The following HSF5 variants were observed in gnomAD, a reference collection of about 807,000 sequenced individuals.
HSF5 encodes heat shock transcription factor 5, also known as heat shock factor protein 5.
Under a neutral mutation model 50.8 loss-of-function variants are expected in HSF5, and 5 were observed. That is an observed-to-expected ratio of 0.10 (90% confidence interval 0.05 to 0.21). The LOEUF (loss-of-function observed/expected upper bound fraction) is 0.21, where lower values mean the gene tolerates loss of function less well. Among genes scored for constraint, HSF5 ranks in the 10% least tolerant of loss-of-function variants. HSF5 has a pLI of 1.00. For synonymous variants in HSF5, 307 were observed against 307.4 expected (o/e 1.00, Z 0.02); for missense variants, 564 against 762.6 (o/e 0.74, Z 3.07).
In HSF5 at chr17:58,429,492, C is replaced by G. The variant is rs201775739; in HGVS notation, c.1721-7062G>C. On this transcript the variant is annotated intron_variant, in intron 5 of 5. Coordinates refer to ENST00000323777, the MANE Select transcript of HSF5 (RefSeq NM_001080439.3). ...GAGGTTGCAGTGAGCCAAGATCATA[C>G]CACTGCACCCCAGCTTGGGGGACAG... 3.9e-5 allele frequency among the ~76,000 whole-genome samples: 6 copies of G among 152,196 alleles called. No homozygotes were observed. The East Asian group carries it at 1.2e-3, about 29-fold the overall frequency.
intron 5 of HSF5, among the ~76,000 whole-genome samples, chr17:58,436,761 G>T (rs1408615034): frequency 2.0e-5 from 3 of 151,724 alleles, no homozygotes; most frequent in Non-Finnish European, 4.4e-5. Flanking sequence ...AAAAATAGAA[G>T]AGATACCTAA....
chr17:58,478,302 C>T (rs2531740), intron 2 of HSF5, among the ~76,000 whole-genome samples: 35,970 of 114,634 alleles, frequency 0.31, 4,844 homozygotes, highest in African/African-American at 0.39. Context: ...TATATATATA[C>T]ACACACACAT....
rs989844425 is a variant in HSF5 at position 58,485,690 on chromosome 17, T to G, written c.550+2035A>C. ...TGAGCCCGGGAGGTGGAGGTTGCAGTGAGCCAAGATCTTGCCACTGCACTC... is the reference window on the plus strand; with the variant it reads ...TGAGCCCGGGAGGTGGAGGTTGCAGGGAGCCAAGATCTTGCCACTGCACTC... On this transcript the variant is annotated intron_variant, in intron 1 of 5. Coordinates refer to ENST00000323777, the MANE Select transcript of HSF5 (RefSeq NM_001080439.3). Among the ~76,000 whole-genome samples the G allele has an allele frequency of 2.7e-5, 4 of 146,284 alleles. No homozygotes were observed. In the East Asian group the frequency reaches 8.1e-4, roughly 30 times the overall value.
chr17:58,459,770 A>C (rs548635295), intron 4 of HSF5, among the ~76,000 whole-genome samples: 5 of 151,770 alleles, frequency 3.3e-5, no homozygotes, highest in African/African-American at 1.2e-4. Context: ...TACAGACGTG[A>C]GCCACCACAC....
intron 1 of HSF5, among the ~76,000 whole-genome samples, chr17:58,482,965 A>G (rs1975120292): frequency 6.6e-6 from 1 of 151,570 alleles, no homozygotes; most frequent in Admixed American, 6.6e-5. Context: ...AAAAGCATAA[A>G]ACAGTTTTTA....
In HSF5 at chr17:58,422,203, A is replaced by T. The variant is rs1567903374; in HGVS notation, c.*157T>A. 1 of 601,800 alleles carries T rather than the reference A, an allele frequency of 1.7e-6. No individual in the cohort carries two copies. 37.3% of individuals were successfully genotyped at this position (601,800 alleles called of 1,614,324 possible). On this transcript the variant is annotated 3_prime_UTR_variant, in exon 6 of 6. Coordinates refer to ENST00000323777, the MANE Select transcript of HSF5 (RefSeq NM_001080439.3). Reference sequence around the variant, plus strand: ...AACTGAACCACTGTAGTACATACAAATTCCCAATTCTCAATTAACAAAATT... The same window carrying T: ...AACTGAACCACTGTAGTACATACAATTTCCCAATTCTCAATTAACAAAATT...
At chr17:58,477,283 C>T (rs1975029499) in intron 2 of HSF5, among the ~76,000 whole-genome samples, 1 of 151,690 alleles carries the variant, frequency 6.6e-6, no homozygotes, top group Non-Finnish European at 1.5e-5. Context: ...CCATGCCTGG[C>T]TAATTTTTGT....
chr17:58,456,794 CA>C (rs1157726836), intron 5 of HSF5, among the ~76,000 whole-genome samples: 1 of 152,138 alleles, frequency 6.6e-6, no homozygotes, highest in African/African-American at 2.4e-5. Context: ...GCTCTACAGG[CA>C]GACAACTTAG....
chr17:58,480,278 G>C lies in HSF5; in HGVS notation c.551-11C>G, dbSNP rs551981177. 6.3e-7 allele frequency: 1 copy of C among 1,583,958 alleles called. No individual in the cohort carries two copies. Among genetic ancestry groups the C allele is most frequent in the South Asian group, 1.2e-5 (1 of 86,468 alleles). On this transcript the variant is annotated splice_polypyrimidine_tract_variant and intron_variant, in intron 1 of 5. Transcript: ENST00000323777. ...CTACAGCCACTGGTCCTACATAAAA[G>C]AGGAAGAGCACATTTACTAATTTTG...
chr17:58,457,572 C>T (rs1974730899), intron 5 of HSF5, among the ~76,000 whole-genome samples: 3 of 152,024 alleles, frequency 2.0e-5, no homozygotes, highest in African/African-American at 7.2e-5. Context: ...CATTCTAGCC[C>T]GGGCAACAGA....
At chr17:58,433,538 T>C (rs746877103) in intron 5 of HSF5, among the ~76,000 whole-genome samples, 65 of 152,190 alleles carry the variant, frequency 4.3e-4, no homozygotes, top group Non-Finnish European at 7.8e-4. Flanking sequence ...AATTGAGCTC[T>C]GGGGTTCATC....
Position 58,458,665 on chromosome 17 carries a change from T to C in HSF5, c.1720+103A>G. On this transcript the variant is annotated intron_variant, in intron 5 of 5. Coordinates refer to ENST00000323777, the MANE Select transcript of HSF5 (RefSeq NM_001080439.3). ...AAAAACAGCAATGTGACAGGTCTAA[T>C]ACAATTATGAATAATAAATGGAGAC... The C allele has an allele frequency of 6.6e-6, 6 of 907,656 alleles. No homozygotes were observed. The South Asian group carries it at 9.3e-5, about 14-fold the overall frequency. 56.2% of individuals were successfully genotyped at this position (907,656 alleles called of 1,614,324 possible).
At chr17:58,486,439 A>G (rs1298839800) in intron 1 of HSF5, among the ~76,000 whole-genome samples, 2 of 152,230 alleles carry the variant, frequency 1.3e-5, no homozygotes, top group Non-Finnish European at 2.9e-5. Context: ...CTAAATACAG[A>G]TGTATACCAA....
chr17:58,480,761 TG>T (rs1477047848), intron 1 of HSF5, among the ~76,000 whole-genome samples: 6 of 75,110 alleles, frequency 8.0e-5, no homozygotes, highest in Non-Finnish European at 1.7e-4. Flanking sequence ...TAACGCTCTT[TG>T]CTATCTATCT....
intron 5 of HSF5, among the ~76,000 whole-genome samples, chr17:58,436,718 C>G (rs1227415929): frequency 6.6e-6 from 1 of 151,914 alleles, no homozygotes; most frequent in Non-Finnish European, 1.5e-5. Flanking sequence ...ATAGATTGTT[C>G]TGGTTGGGAA....
intron 5 of HSF5, among the ~76,000 whole-genome samples, chr17:58,458,249 T>C (rs559001059): frequency 5.9e-5 from 9 of 152,372 alleles, no homozygotes; most frequent in Middle Eastern, 3.4e-3. Context: ...CAATCACTTA[T>C]TCTGGGTTCT....
intron 5 of HSF5, among the ~76,000 whole-genome samples, chr17:58,447,626 T>C (rs1041346050): frequency 6.6e-6 from 1 of 151,958 alleles, no homozygotes; most frequent in Non-Finnish European, 1.5e-5. Context: ...TCAAGTTCAT[T>C]AGGACTGGAG....
At chr17:58,482,288 A>C (rs930068566) in intron 1 of HSF5, among the ~76,000 whole-genome samples, 1 of 152,100 alleles carries the variant, frequency 6.6e-6, no homozygotes, top group East Asian at 1.9e-4. Context: ...TTTTTCCTTT[A>C]TTCCTTTAAA....
In HSF5 at chr17:58,420,816, T is replaced by C. The variant is rs1215981330; in HGVS notation, c.*1544A>G. The C allele has an allele frequency of 6.6e-6, 1 of 152,222 alleles. No individual in the cohort carries two copies. The highest frequency in any genetic ancestry group is 1.5e-5 in the Non-Finnish European group (1 of 68,018). The allele number at this position is 152,222 out of a possible 1,614,324, so 9.4% of individuals were successfully genotyped here. A position where few individuals can be genotyped will look rare whatever the true frequency, so the allele number is the denominator to read the frequency against. ...TCGCTTTTCAGAACCTACTTTAATA[T>C]CTAAACAGAGTCACTGCAGATCAAT... On this transcript the variant is annotated 3_prime_UTR_variant, in exon 6 of 6. Coordinates refer to ENST00000323777, the MANE Select transcript of HSF5 (RefSeq NM_001080439.3).
Sources: allele counts gnomAD v4.1 joint callset (sites outside exome capture counted in the v4.1 genomes callset), GRCh38; gene constraint gnomAD v4.1.1; transcripts MANE v1.5; gene names NCBI Gene and HGNC (gene_info 2026-07-23, HGNC 2026-07-21).